The following ENPP6 variants were observed in gnomAD, a reference collection of about 807,000 sequenced individuals.
ENPP6 encodes ectonucleotide pyrophosphatase/phosphodiesterase 6.
A neutral mutation model predicts 42.0 loss-of-function variants in ENPP6; 32 were observed. That is an observed-to-expected ratio of 0.76 (90% CI 0.58 to 1.02). The LOEUF (loss-of-function observed/expected upper bound fraction) is 1.02. ENPP6 is among the 50% of genes least tolerant of loss of function. The probability of loss-of-function intolerance (pLI) is 0.00; values close to 1 mark genes in which losing one functional copy is unlikely to be tolerated. For missense variants in ENPP6, 552 were observed against 566.8 expected (o/e 0.97, Z 0.27); for synonymous variants, 213 against 216.0 (o/e 0.99, Z 0.12).
Position 184,089,404 on chromosome 4 carries a change from T to C in ENPP6, c.*1773A>G, listed in dbSNP as rs927187284. On this transcript the variant is annotated 3_prime_UTR_variant, in exon 8 of 8. Coordinates refer to ENST00000296741, the MANE Select transcript of ENPP6 (RefSeq NM_153343.4). Reference sequence around the variant, plus strand: ...TCCATCGTCCTGAGGAGACCTGATATATTGCCTTTTCCTGACAAAAAGTCT... The same window carrying C: ...TCCATCGTCCTGAGGAGACCTGATACATTGCCTTTTCCTGACAAAAAGTCT... The C allele has an allele frequency of 6.6e-6, 1 of 152,150 alleles. No individual in the cohort carries two copies. Among genetic ancestry groups the C allele is most frequent in the Non-Finnish European group, 1.5e-5 (1 of 68,038 alleles). 9.4% of individuals were successfully genotyped at this position (152,150 alleles called of 1,614,324 possible).
intron 3 of ENPP6, among the ~76,000 whole-genome samples, chr4:184,122,805 C>G (rs1426006320): frequency 6.6e-6 from 1 of 152,180 alleles, no homozygotes; most frequent in Non-Finnish European, 1.5e-5. Flanking sequence ...TTTGGCACAG[C>G]CATGGCCTGT....
At chr4:184,153,532 G>A (rs1270292819) in intron 2 of ENPP6, 22 bp downstream of exon 2, 19 of 1,594,712 alleles carry the variant, frequency 1.2e-5, no homozygotes, top group Non-Finnish European at 1.6e-5. Flanking sequence ...TTGAGATTTG[G>A]AATGGATGTT....
In ENPP6 at chr4:184,192,406, T is replaced by C. The variant is rs576802766; in HGVS notation, c.241+25173A>G. On this transcript the variant is annotated intron_variant, in intron 1 of 7. Coordinates refer to ENST00000296741, the MANE Select transcript of ENPP6 (RefSeq NM_153343.4). ...AAGGAATAGTCTTTTTCACAAATAG[T>C]GCGGGGACAACTACCTCACACTGTA... is the stretch of plus-strand genomic sequence containing the variant. Among the ~76,000 whole-genome samples, 5 of 152,306 alleles carry C rather than the reference T, an allele frequency of 3.3e-5. No individual in the cohort carries two copies. The South Asian group carries it at 1.0e-3, about 32-fold the overall frequency.
chr4:184,207,241 C>T (rs964140648), intron 1 of ENPP6, among the ~76,000 whole-genome samples: 2 of 152,176 alleles, frequency 1.3e-5, no homozygotes, highest in Non-Finnish European at 2.9e-5. Context: ...GACTGGCTTC[C>T]CCGCTACTCA....
chr4:184,101,246 AGTGT>A (rs907151249), intron 6 of ENPP6, among the ~76,000 whole-genome samples: 1 of 144,390 alleles, frequency 6.9e-6, no homozygotes, highest in Non-Finnish European at 1.5e-5. Context: ...TGTATATGTG[AGTGT>A]GTGTTTATGT....
At chr4:184,130,675 A>T (rs1220733732) in intron 2 of ENPP6, among the ~76,000 whole-genome samples, 1 of 151,786 alleles carries the variant, frequency 6.6e-6, no homozygotes, top group Non-Finnish European at 1.5e-5. Flanking sequence ...GTGTTTATCC[A>T]GTCTAAACTA....
At position 184,209,013 on chromosome 4, in the gene ENPP6, G is replaced by A. The variant is rs1214167557; in HGVS notation, c.241+8566C>T. Among the ~76,000 whole-genome samples, 284 of 143,632 alleles carry A rather than the reference G, an allele frequency of 2.0e-3. 5 individuals carry two copies. Among genetic ancestry groups the A allele is most frequent in the African/African-American group, 7.1e-3 (272 of 38,288 alleles). 94.2% of individuals were successfully genotyped at this position (143,632 alleles called of 152,430 possible). A position where few individuals can be genotyped will look rare whatever the true frequency, so the allele number is the denominator to read the frequency against. ...CACGGCAGGGTATTCCAACAGACCT[G>A]CAGCTGAGGGTCCTGTCTGTTAGAA... On this transcript the variant is annotated intron_variant, in intron 1 of 7. Transcript: ENST00000296741.
At chr4:184,213,171 A>T (rs1335904453) in intron 1 of ENPP6, among the ~76,000 whole-genome samples, 1 of 152,096 alleles carries the variant, frequency 6.6e-6, no homozygotes, top group Non-Finnish European at 1.5e-5. Flanking sequence ...TTCAGGACAT[A>T]GGCATGGGCA....
chr4:184,202,430 G>A (rs762535291), intron 1 of ENPP6, among the ~76,000 whole-genome samples: 2 of 152,186 alleles, frequency 1.3e-5, no homozygotes, highest in Non-Finnish European at 2.9e-5. Flanking sequence ...AGTGGAACAG[G>A]AGGGGAGGAG....
At chr4:184,170,913 T>C (rs1486611908) in intron 1 of ENPP6, among the ~76,000 whole-genome samples, 3 of 152,174 alleles carry the variant, frequency 2.0e-5, no homozygotes, top group Non-Finnish European at 2.9e-5. Context: ...TTCCTTTTAG[T>C]CACAAAATCC....
At chr4:184,117,201 C>T (rs1315198096) in intron 4 of ENPP6, among the ~76,000 whole-genome samples, 166 bp from the exon 5 acceptor site, 2 of 152,184 alleles carry the variant, frequency 1.3e-5, no homozygotes, top group Non-Finnish European at 2.9e-5. Context: ...ACAACAGAAG[C>T]CCTTTGCGGA....
chr4:184,091,012 G>A lies in ENPP6; in HGVS notation c.*165C>T, dbSNP rs984320143. On this transcript the variant is annotated 3_prime_UTR_variant, in exon 8 of 8. Transcript: ENST00000296741. ...ACAAGGTTTGTATCTTTTTTAACAA[G>A]TAGGAACTTTTATGTATAGAATTAT... 11 of 607,394 alleles carry A rather than the reference G, an allele frequency of 1.8e-5. No individual in the cohort carries two copies. The South Asian group carries it at 3.5e-4, about 20-fold the overall frequency. The allele number at this position is 607,394 out of a possible 1,614,324, so 37.6% of individuals were successfully genotyped here.
intron 1 of ENPP6, among the ~76,000 whole-genome samples, chr4:184,207,196 C>T (rs986481324): frequency 2.0e-5 from 3 of 152,232 alleles, no homozygotes; most frequent in Admixed American, 6.5e-5. Flanking sequence ...CTGTTCATCT[C>T]TTGGTAGTTT....
chr4:184,190,975 T>C (rs1191951996), intron 1 of ENPP6, among the ~76,000 whole-genome samples: 1 of 152,196 alleles, frequency 6.6e-6, no homozygotes, highest in Non-Finnish European at 1.5e-5. Flanking sequence ...GTTTAAAAAA[T>C]AGTTACCCAG....
intron 1 of ENPP6, among the ~76,000 whole-genome samples, chr4:184,198,583 A>G (rs905689325): frequency 4.6e-5 from 7 of 152,254 alleles, no homozygotes; most frequent in African/African-American, 1.7e-4. Context: ...TCTGCAGTGC[A>G]GACTGAGAAA....
chr4:184,208,189 T>C (rs892510091), intron 1 of ENPP6, among the ~76,000 whole-genome samples: 6 of 152,024 alleles, frequency 3.9e-5, no homozygotes, highest in African/African-American at 1.4e-4. Context: ...CCTGCTTGAA[T>C]GTAATCTCCC....
chr4:184,179,824 G>A (rs1484915206), intron 1 of ENPP6, among the ~76,000 whole-genome samples: 2 of 152,148 alleles, frequency 1.3e-5, no homozygotes, highest in Non-Finnish European at 2.9e-5. Flanking sequence ...TGAAACCAAT[G>A]AGAACAAAGA....
In ENPP6 at chr4:184,116,987, C is replaced by T. The variant is rs576169706; in HGVS notation, c.724G>A (p.Gly242Arg). The T allele has an allele frequency of 5.6e-6, 9 of 1,614,176 alleles. No individual in the cohort carries two copies. Among genetic ancestry groups the T allele is most frequent in the East Asian group, 4.5e-5 (2 of 44,882 alleles). ...TCCATCCAGAAAATGTCGGTCATTC[C>T]GTGATCCGAGAAAATAATGACGTTC... ...RLNVIIFSDH[G>R]MTDIFWMDKV... Residue 242 changes from glycine (G) to arginine (R), a missense_variant, in exon 5 of 8, where the codon GGA becomes AGA. By Grantham distance (125) the Gly-to-Arg change is moderately radical. Transcript: ENST00000296741.
intron 1 of ENPP6, among the ~76,000 whole-genome samples, chr4:184,209,347 A>T (rs1733070994): frequency 6.7e-6 from 1 of 148,450 alleles, no homozygotes; most frequent in East Asian, 2.0e-4. Flanking sequence ...AAAAAAATTT[A>T]GAAGAATGTA....
Sources: gnomAD v4.1 joint callset for allele counts (sites outside exome capture counted in the v4.1 genomes callset) on GRCh38, gnomAD v4.1.1 for gene constraint, MANE v1.5 for transcripts, NCBI Gene and HGNC (gene_info 2026-07-23, HGNC 2026-07-21) for gene names.